The following ARL6IP6 variants were observed in gnomAD, a reference collection of about 807,000 sequenced individuals.
ARL6IP6 encodes the protein ARF like GTPase 6 interacting protein 6.
Under a neutral mutation model 21.5 loss-of-function variants are expected in ARL6IP6, and 22 were observed. The ratio of observed to expected loss-of-function variants is 1.02; its 90% confidence interval spans 0.73 to 1.46. The LOEUF (loss-of-function observed/expected upper bound fraction) is 1.46, where lower values mean the gene tolerates loss of function less well. Among genes scored for constraint, ARL6IP6 ranks in the 40% most tolerant of loss-of-function variants. The probability of loss-of-function intolerance (pLI) is 0.00; values close to 1 mark genes in which losing one functional copy is unlikely to be tolerated. For synonymous variants in ARL6IP6, 164 were observed against 125.3 expected (o/e 1.31, Z -2.06); for missense variants, 388 against 299.8 (o/e 1.29, Z -2.17).
chr2:152,761,630 T>C lies in ARL6IP6; in HGVS notation c.*1790T>C, dbSNP rs1340877049. 1.3e-5 allele frequency among the ~76,000 whole-genome samples: 2 copies of C among 152,222 alleles called. No homozygotes were observed. Among genetic ancestry groups the C allele is most frequent in the Non-Finnish European group, 2.9e-5 (2 of 68,038 alleles). On this transcript the variant is annotated 3_prime_UTR_variant, in exon 4 of 4. Coordinates refer to ENST00000326446, the MANE Select transcript of ARL6IP6 (RefSeq NM_152522.7). ...TATGATAGTGAATCCCCCCGTAAGA[T>C]TATACTGCTGCATTTTTTACTTTAT... is the stretch of plus-strand genomic sequence containing the variant.
intron 3 of ARL6IP6, among the ~76,000 whole-genome samples, chr2:152,749,406 T>C (rs1168277109): frequency 1.3e-5 from 2 of 152,122 alleles, no homozygotes; most frequent in African/African-American, 2.4e-5. Context: ...TTTGCTTTTA[T>C]ACTACTATTG....
upstream of ARL6IP6, chr2:152,718,300 G>T: frequency 3.5e-6 from 1 of 285,102 alleles, no homozygotes; most frequent in Non-Finnish European, 6.2e-6. Flanking sequence ...TGACGCGGGG[G>T]TGGCGGAGGT....
At chr2:152,757,297 G>T (rs1309454766) in intron 3 of ARL6IP6, among the ~76,000 whole-genome samples, 1 of 152,120 alleles carries the variant, frequency 6.6e-6, no homozygotes, top group African/African-American at 2.4e-5. Context: ...TCTTTATGTG[G>T]TTGGTGAGTA....
At chr2:152,750,225 C>T (rs1343142107) in intron 3 of ARL6IP6, among the ~76,000 whole-genome samples, 6 of 152,034 alleles carry the variant, frequency 3.9e-5, no homozygotes. Context: ...ACGCCTGTAT[C>T]CCAGCACTTT....
At chr2:152,731,295 A>G (rs1037504409) in intron 2 of ARL6IP6, among the ~76,000 whole-genome samples, 9 of 152,180 alleles carry the variant, frequency 5.9e-5, no homozygotes, top group Admixed American at 5.9e-4. Context: ...CACACTTTCT[A>G]TTAATAATTC....
intron 2 of ARL6IP6, among the ~76,000 whole-genome samples, chr2:152,722,591 G>T (rs1273444290): frequency 6.6e-6 from 1 of 152,166 alleles, no homozygotes; most frequent in South Asian, 2.1e-4. Context: ...GGGCCAAGAT[G>T]ATTAAGCTCT....
chr2:152,751,541 C>T (rs1701331871), intron 3 of ARL6IP6, among the ~76,000 whole-genome samples: 1 of 152,200 alleles, frequency 6.6e-6, no homozygotes, highest in African/African-American at 2.4e-5. Context: ...CCCCACCACC[C>T]TTCTCAACCT....
chr2:152,731,199 C>T (rs917935409), intron 2 of ARL6IP6, among the ~76,000 whole-genome samples: 1 of 152,188 alleles, frequency 6.6e-6, no homozygotes, highest in Non-Finnish European at 1.5e-5. Flanking sequence ...TGCCACATCC[C>T]TCTTCTGGAG....
Position 152,720,378 on chromosome 2 carries a change from A to G in ARL6IP6, c.401-155A>G, listed in dbSNP as rs1451694539. ...GGTCAACACATTAATTTGCTTGCTG[A>G]AGGTCACATAGCTGGTAAATTGAAT... On this transcript the variant is annotated intron_variant, in intron 1 of 3. Coordinates refer to ENST00000326446, the MANE Select transcript of ARL6IP6 (RefSeq NM_152522.7). 4.3e-6 allele frequency: 3 copies of G among 691,980 alleles called. No homozygotes were observed. The African/African-American group carries it at 5.3e-5, about 12-fold the overall frequency. The allele number at this position is 691,980 out of a possible 1,614,324, so 42.9% of individuals were successfully genotyped here. A position where few individuals can be genotyped will look rare whatever the true frequency, so the allele number is the denominator to read the frequency against.
At chr2:152,728,673 A>G (rs946376298) in intron 2 of ARL6IP6, among the ~76,000 whole-genome samples, 1 of 152,168 alleles carries the variant, frequency 6.6e-6, no homozygotes, top group Non-Finnish European at 1.5e-5. Flanking sequence ...TATTCCAGCA[A>G]AGGGATTGGG....
chr2:152,717,950 G>T, upstream of ARL6IP6: 1 of 1,008,198 alleles, frequency 9.9e-7, no homozygotes, highest in South Asian at 3.8e-5. Context: ...CGGGGAAGGC[G>T]AAAGGAGGGG....
At chr2:152,718,218 C>G, upstream of ARL6IP6, 1 of 415,032 alleles carries the variant, frequency 2.4e-6, no homozygotes, top group Non-Finnish European at 3.3e-6. Context: ...TCTCCGAGGG[C>G]GCGAGCGGGC....
chr2:152,717,981 C>A (rs939403107), upstream of ARL6IP6: 8 of 1,000,734 alleles, frequency 8.0e-6, no homozygotes, highest in African/African-American at 5.2e-5. Context: ...AGGGTTCGAT[C>A]TCCGTACGCA....
intron 3 of ARL6IP6, among the ~76,000 whole-genome samples, chr2:152,749,312 AAAACACAC>A (rs1418338477): frequency 6.4e-5 from 4 of 62,016 alleles, no homozygotes; most frequent in Non-Finnish European, 7.0e-5. Context: ...CACACACACA[AAAACACAC>A]ACACACACAC....
In ARL6IP6 at chr2:152,734,976, C is replaced by A; in HGVS notation, c.455-18C>A. On this transcript the variant is annotated intron_variant, in intron 2 of 3. Transcript: ENST00000326446. ...TGGTGTTAATAATGTACTTTTTCCC[C>A]TCTCTTTTCCTGTTAAGGATTCTGG... is the stretch of plus-strand genomic sequence containing the variant. 2 of 1,605,390 alleles carry A rather than the reference C, an allele frequency of 1.2e-6. No homozygotes were observed. Among genetic ancestry groups the A allele is most frequent in the Non-Finnish European group, 1.7e-6 (2 of 1,173,618 alleles).
At chr2:152,730,447 T>A (rs896525324) in intron 2 of ARL6IP6, among the ~76,000 whole-genome samples, 1 of 152,208 alleles carries the variant, frequency 6.6e-6, no homozygotes, top group Admixed American at 6.5e-5. Context: ...TTTTCTCCCC[T>A]CTTTAGACAT....
Position 152,746,334 on chromosome 2 carries a change from C to G in ARL6IP6, c.587+11208C>G, listed in dbSNP as rs116250081. 4.8e-3 allele frequency among the ~76,000 whole-genome samples: 723 copies of G among 152,062 alleles called. 4 individuals are homozygous for G. The highest frequency in any genetic ancestry group is 0.016 in the African/African-American group (672 of 41,486). ...GAGCCACCTTGCCCAGCTGCTCTTG[C>G]TTGTGCTATTTACAGTGTTATATAT... On this transcript the variant is annotated intron_variant, in intron 3 of 3. Coordinates refer to ENST00000326446, the MANE Select transcript of ARL6IP6 (RefSeq NM_152522.7).
chr2:152,736,934 G>C (rs1700579866), intron 3 of ARL6IP6, among the ~76,000 whole-genome samples: 1 of 152,076 alleles, frequency 6.6e-6, no homozygotes, highest in South Asian at 2.1e-4. Flanking sequence ...GTGTTTGTGG[G>C]AATCCTGGAA....
At chr2:152,721,457 A>G (rs538040853) in intron 2 of ARL6IP6, among the ~76,000 whole-genome samples, 1 of 152,182 alleles carries the variant, frequency 6.6e-6, no homozygotes, top group South Asian at 2.1e-4. Context: ...ACAGGTTTCC[A>G]GTGAAAAAGG....
Sources: allele counts gnomAD v4.1 joint callset (sites outside exome capture counted in the v4.1 genomes callset), GRCh38; gene constraint gnomAD v4.1.1; transcripts MANE v1.5; gene names NCBI Gene and HGNC (gene_info 2026-07-23, HGNC 2026-07-21).